Variants in VWA8 observed in about 807,000 individuals in gnomAD.
The protein encoded by VWA8 is von Willebrand factor A domain containing 8.
VWA8 carries 221 observed loss-of-function variants against 241.5 expected under a neutral mutation model. That is an observed-to-expected ratio of 0.91 (90% CI 0.82 to 1.02). The LOEUF is 1.02. VWA8 is among the 50% of genes least tolerant of loss of function. The pLI, the probability that VWA8 is intolerant of heterozygous loss-of-function variation, is 0.00. For synonymous variants in VWA8, 852 were observed against 827.1 expected (o/e 1.03, Z -0.52); for missense variants, 2,322 against 2,328.7 (o/e 1.00, Z 0.06).
chr13:41,951,043 A>C (rs562221141), intron 1 of VWA8, among the ~76,000 whole-genome samples: 1 of 152,170 alleles, frequency 6.6e-6, no homozygotes. Flanking sequence ...TACTGCATAC[A>C]GTTTCAAATT....
intron 12 of VWA8, among the ~76,000 whole-genome samples, chr13:41,854,154 T>C (rs569293832): frequency 1.2e-4 from 19 of 152,290 alleles, no homozygotes; most frequent in African/African-American, 3.4e-4. Context: ...CATGTTTTAG[T>C]CAACAAATTA....
chr13:41,676,215 T>A (rs2045059306), intron 35 of VWA8, among the ~76,000 whole-genome samples: 1 of 152,148 alleles, frequency 6.6e-6, no homozygotes, highest in African/African-American at 2.4e-5. Flanking sequence ...TAATTTTAGG[T>A]GTCAGTTGGA....
intron 42 of VWA8, among the ~76,000 whole-genome samples, chr13:41,583,653 A>G (rs9788349): frequency 9.8e-6 from 1 of 101,958 alleles, no homozygotes; most frequent in Non-Finnish European, 2.1e-5. Context: ...AAAAAAAAAA[A>G]AAAAAAAAAC....
At chr13:41,697,186 T>A (rs960832109) in intron 29 of VWA8, among the ~76,000 whole-genome samples, 1 of 151,820 alleles carries the variant, frequency 6.6e-6, no homozygotes, top group African/African-American at 2.4e-5. Context: ...AATATTGGAA[T>A]TGTTTGGAAA....
chr13:41,718,798 A>G (rs961521167), intron 26 of VWA8, among the ~76,000 whole-genome samples: 2 of 151,788 alleles, frequency 1.3e-5, no homozygotes, highest in Middle Eastern at 3.2e-3. Flanking sequence ...TTTTCTACAG[A>G]AAGATAGTGT....
intron 30 of VWA8, among the ~76,000 whole-genome samples, chr13:41,692,205 T>A (rs1377416594): frequency 6.6e-6 from 1 of 152,058 alleles, no homozygotes; most frequent in Non-Finnish European, 1.5e-5. Flanking sequence ...TAACAGGCTA[T>A]CTGATGATTA....
At chr13:41,621,212 T>C (rs1025315656) in intron 37 of VWA8, among the ~76,000 whole-genome samples, 1 of 152,234 alleles carries the variant, frequency 6.6e-6, no homozygotes, top group Admixed American at 6.5e-5. Flanking sequence ...TTCAACACTT[T>C]ATTATAAAAT....
intron 12 of VWA8, among the ~76,000 whole-genome samples, chr13:41,859,030 C>T (rs1021543527): frequency 7.3e-5 from 11 of 151,146 alleles, no homozygotes; most frequent in African/African-American, 2.7e-4. Context: ...TGAGCTGTGC[C>T]TGCGCCACTG....
chr13:41,701,402 A>C lies in VWA8; in HGVS notation c.3354T>G (p.Ala1118=). The C allele has an allele frequency of 6.2e-7, 1 of 1,602,952 alleles. No individual in the cohort carries two copies. Among genetic ancestry groups the C allele is most frequent in the African/African-American group, 1.3e-5 (1 of 74,416 alleles). ...AATAAGCAGACATACCATGTGATGT[A>C]GCAATGTCACAGATTATATTAATTT... ...LDEINIICDI[A]TSHENEQNTL... is the part of the protein sequence containing the mutation. The change falls in exon 28 of 45, where the codon GCT becomes GCG. Residue 1118 remains alanine, a synonymous_variant. Coordinates refer to ENST00000379310, the MANE Select transcript of VWA8 (RefSeq NM_015058.2).
intron 4 of VWA8, among the ~76,000 whole-genome samples, chr13:41,902,080 A>C (rs1322558621): frequency 6.6e-6 from 1 of 151,558 alleles, no homozygotes; most frequent in Non-Finnish European, 1.5e-5. Context: ...ATGTATTTTT[A>C]AATAATGATG....
At chr13:41,838,941 G>C (rs917509082) in intron 12 of VWA8, among the ~76,000 whole-genome samples, 1 of 152,132 alleles carries the variant, frequency 6.6e-6, no homozygotes. Context: ...ATTGTGAATA[G>C]TGCTGCAATA....
At chr13:41,679,870 T>A (rs569531463) in intron 35 of VWA8, among the ~76,000 whole-genome samples, 183 of 73,496 alleles carry the variant, frequency 2.5e-3, no homozygotes, top group Non-Finnish European at 3.2e-3. Flanking sequence ...CGCCCCACCA[T>A]TTCCTGCCCC....
At chr13:41,575,703 A>G (rs572516784) in intron 43 of VWA8, 37 bp downstream of exon 43, 1 of 1,487,052 alleles carries the variant, frequency 6.7e-7, no homozygotes, top group Non-Finnish European at 9.3e-7. Flanking sequence ...AACCTGATAG[A>G]AGCTTTCATA....
intron 1 of VWA8, among the ~76,000 whole-genome samples, chr13:41,957,437 G>A (rs1344972443): frequency 6.6e-6 from 1 of 152,090 alleles, no homozygotes; most frequent in African/African-American, 2.4e-5. Flanking sequence ...TCTCTGGCAT[G>A]TCCTTATAGC....
chr13:41,757,976 C>T (rs925318164), intron 21 of VWA8, among the ~76,000 whole-genome samples: 1 of 151,406 alleles, frequency 6.6e-6, no homozygotes, highest in Non-Finnish European at 1.5e-5. Flanking sequence ...GCAGAAATGA[C>T]GGTAGCAGAA....
chr13:41,712,305 A>T (rs1322266138), intron 26 of VWA8, among the ~76,000 whole-genome samples: 3 of 152,252 alleles, frequency 2.0e-5, no homozygotes, highest in African/African-American at 7.2e-5. Context: ...GATACCCCAA[A>T]TACCCTGACT....
chr13:41,751,063 A>G (rs562640797), intron 21 of VWA8, among the ~76,000 whole-genome samples: 1 of 152,156 alleles, frequency 6.6e-6, no homozygotes, highest in Non-Finnish European at 1.5e-5. Flanking sequence ...AGCTGTAGTG[A>G]GCAGTAAGAA....
At chr13:41,752,798 AC>A (rs2045666022) in intron 21 of VWA8, among the ~76,000 whole-genome samples, 1 of 152,032 alleles carries the variant, frequency 6.6e-6, no homozygotes, top group Non-Finnish European at 1.5e-5. Context: ...CCTCACAACA[AC>A]CCTGCAAGCT....
At chr13:41,609,260 A>G (rs1232610278) in intron 39 of VWA8, among the ~76,000 whole-genome samples, 3 of 152,166 alleles carry the variant, frequency 2.0e-5, no homozygotes, top group African/African-American at 7.2e-5. Flanking sequence ...ATGCCATAAA[A>G]GCATCAATGG....
Sources: gnomAD v4.1 joint callset for allele counts (sites outside exome capture counted in the v4.1 genomes callset) on GRCh38, gnomAD v4.1.1 for gene constraint, MANE v1.5 for transcripts, NCBI Gene and HGNC (gene_info 2026-07-23, HGNC 2026-07-21) for gene names.